Variants in RALGAPB observed in about 807,000 individuals in gnomAD.
RALGAPB encodes Ral GTPase activating protein non-catalytic subunit beta, also known as ral GTPase-activating protein subunit beta.
In RALGAPB, 25 loss-of-function variants were observed where a neutral mutation model predicts 161.1. The observed-to-expected ratio is 0.16, with a 90% CI of 0.11 to 0.22. RALGAPB has a LOEUF of 0.22. Ranked by LOEUF, RALGAPB falls within the 10% of genes least tolerant of loss-of-function variation. The pLI is 1.00. For missense variants in RALGAPB, 1,391 were observed against 1,815.2 expected (o/e 0.77, Z 4.25); for synonymous variants, 629 against 626.1 (o/e 1.00, Z -0.07).
intron 15 of RALGAPB, among the ~76,000 whole-genome samples, chr20:38,534,106 T>C (rs1466834994): frequency 1.5e-5 from 2 of 133,310 alleles, no homozygotes; most frequent in African/African-American, 5.9e-5. Flanking sequence ...GCCACTGTAC[T>C]CCAGCCTGGG....
At chr20:38,573,776 G>A (rs958267664) in intron 28 of RALGAPB, 2 of 154,270 alleles carry the variant, frequency 1.3e-5, no homozygotes, top group African/African-American at 4.8e-5. Flanking sequence ...TTCCCTATAA[G>A]AAGAGGAACT....
chr20:38,502,144 ATAAT>A (rs1218996634), intron 5 of RALGAPB, among the ~76,000 whole-genome samples: 4 of 152,194 alleles, frequency 2.6e-5, no homozygotes, highest in Non-Finnish European at 5.9e-5. Context: ...TACTACTGTA[ATAAT>A]TTTGTAGCCA....
rs781149732 is a variant in RALGAPB, at chr20:38,524,937, G to A, written c.1779G>A (p.Leu593=). 3.4e-5 allele frequency: 55 copies of A among 1,607,192 alleles called. No individual in the cohort carries two copies. The highest frequency in any genetic ancestry group is 4.5e-5 in the Non-Finnish European group (53 of 1,173,832). The part of the protein sequence containing the change: ...PYFISALETI[L]PDRELSKFKS... Reference sequence around the variant, plus strand: ...TTATTTCAGCTCTTGAAACCATTTTGCCTGACAGGTAAGCTATCATTCTCT... The same window carrying A: ...TTATTTCAGCTCTTGAAACCATTTTACCTGACAGGTAAGCTATCATTCTCT... Residue 593 remains leucine (L), a synonymous_variant, in exon 11 of 30, where the codon TTG becomes TTA. Coordinates refer to ENST00000262879, the MANE Select transcript of RALGAPB (RefSeq NM_020336.4).
chr20:38,531,047 A>G, intron 13 of RALGAPB, 120 bp from the exon 14 acceptor site: 1 of 786,262 alleles, frequency 1.3e-6, no homozygotes, highest in Non-Finnish European at 2.1e-6. Context: ...TTTCATGGGT[A>G]TTTCAGGAAT....
chr20:38,558,188 A>G (rs1336376974), intron 22 of RALGAPB, 107 bp from the exon 23 acceptor site: 5 of 973,984 alleles, frequency 5.1e-6, no homozygotes, highest in East Asian at 3.1e-5. Context: ...CTACCATTCT[A>G]TATTTTTTAA....
chr20:38,479,968 A>G, intron 1 of RALGAPB, among the ~76,000 whole-genome samples: 1 of 151,670 alleles, frequency 6.6e-6, no homozygotes, highest in Non-Finnish European at 1.5e-5. Flanking sequence ...GCCTGTGGTA[A>G]GGTTAAACTT....
At chr20:38,563,532 G>T (rs974858163) in intron 24 of RALGAPB, among the ~76,000 whole-genome samples, 3 of 152,222 alleles carry the variant, frequency 2.0e-5, no homozygotes, top group African/African-American at 7.2e-5. Context: ...AGCAGAGCAA[G>T]TATAAACTTA....
At position 38,521,710 on chromosome 20, in the gene RALGAPB, T is replaced by C; in HGVS notation, c.1619+12T>C. ...GCTTATTTATCCAGGTCTTGGAATT[T>C]TTGTTTGTTTTTTCATTTATATAGT... On this transcript the variant is annotated intron_variant, in intron 10 of 29. Coordinates refer to ENST00000262879, the MANE Select transcript of RALGAPB (RefSeq NM_020336.4). The C allele has an allele frequency of 6.2e-7, 1 of 1,611,872 alleles. No homozygotes were observed. Among genetic ancestry groups the C allele is most frequent in the Non-Finnish European group, 8.5e-7 (1 of 1,179,202 alleles).
At chr20:38,478,773 C>T (rs148750042) in intron 1 of RALGAPB, among the ~76,000 whole-genome samples, 1,592 of 152,182 alleles carry the variant, frequency 0.01, 22 homozygotes, top group African/African-American at 0.036. Context: ...TGCGCCACCA[C>T]GCCCAGCTAA....
chr20:38,577,658 G>A lies in RALGAPB; in HGVS notation c.*2691G>A, dbSNP rs2088484411. On this transcript the variant is annotated 3_prime_UTR_variant, in exon 30 of 30. Coordinates refer to ENST00000262879, the MANE Select transcript of RALGAPB (RefSeq NM_020336.4). Reference sequence around the variant, plus strand: ...CTTTTTGTCTAGGGCTTCCTCTTGAGACCCTCTTCCATCCATTGGGCCTTT... The same window carrying A: ...CTTTTTGTCTAGGGCTTCCTCTTGAAACCCTCTTCCATCCATTGGGCCTTT... 1.3e-5 allele frequency: 2 copies of A among 151,350 alleles called. No individual in the cohort carries two copies. Among genetic ancestry groups the A allele is most frequent in the East Asian group, 3.9e-4 (2 of 5,142 alleles). The allele number at this position is 151,350 out of a possible 1,614,324, so 9.4% of individuals were successfully genotyped here.
chr20:38,531,132 A>G, intron 13 of RALGAPB, 35 bp from the exon 14 acceptor site: 1 of 1,504,596 alleles, frequency 6.6e-7, no homozygotes, highest in Non-Finnish European at 9.2e-7. Context: ...GTTCTTGTGT[A>G]TTTTATATAA....
chr20:38,481,975 A>T (rs980366106), intron 1 of RALGAPB, among the ~76,000 whole-genome samples: 4 of 151,772 alleles, frequency 2.6e-5, no homozygotes, highest in Non-Finnish European at 5.9e-5. Flanking sequence ...TGACTCTCGT[A>T]CATCATAAGG....
At chr20:38,562,459 A>AT (rs1187516693) in intron 23 of RALGAPB, 73 bp from the exon 24 acceptor site, 1 of 1,334,426 alleles carries the variant, frequency 7.5e-7, no homozygotes, top group African/African-American at 1.5e-5. Context: ...AAACTAACCA[A>AT]TTTTTATGAA....
intron 22 of RALGAPB, among the ~76,000 whole-genome samples, chr20:38,557,856 C>CT (rs1305321911): frequency 1.3e-5 from 2 of 152,142 alleles, no homozygotes; most frequent in Non-Finnish European, 2.9e-5. Flanking sequence ...TGTGTGCAGG[C>CT]TTTTGTGTGG....
intron 3 of RALGAPB, 97 bp downstream of exon 3, chr20:38,493,229 CTGAACAG>C (rs2085327411): frequency 1.1e-6 from 1 of 943,804 alleles, no homozygotes; most frequent in East Asian, 2.5e-5. Context: ...TGTTAGTCCT[CTGAACAG>C]TGACTTCATG....
At chr20:38,490,537 G>A (rs1220999424) in intron 2 of RALGAPB, among the ~76,000 whole-genome samples, 2 of 149,866 alleles carry the variant, frequency 1.3e-5, no homozygotes, top group African/African-American at 4.9e-5. Context: ...ACAGAGTCTC[G>A]CTCTTGTTGG....
intron 1 of RALGAPB, among the ~76,000 whole-genome samples, chr20:38,481,003 T>C (rs1361545080): frequency 6.6e-6 from 1 of 152,158 alleles, no homozygotes; most frequent in Non-Finnish European, 1.5e-5. Flanking sequence ...CCCAAAGTGC[T>C]GGGATTACAG....
At chr20:38,544,958 G>A (rs2087113763) in intron 18 of RALGAPB, among the ~76,000 whole-genome samples, 1 of 152,092 alleles carries the variant, frequency 6.6e-6, no homozygotes, top group Admixed American at 6.5e-5. Flanking sequence ...TTGTTTGGGA[G>A]TGTTTGAAAG....
chr20:38,557,598 T>G (rs180678340), intron 22 of RALGAPB, among the ~76,000 whole-genome samples: 1 of 152,374 alleles, frequency 6.6e-6, no homozygotes, highest in East Asian at 1.9e-4. Context: ...GAATGTCATA[T>G]AGTTGGAATC....
Sources: allele counts gnomAD v4.1 joint callset (sites outside exome capture counted in the v4.1 genomes callset), GRCh38; gene constraint gnomAD v4.1.1; transcripts MANE v1.5; gene names NCBI Gene and HGNC (gene_info 2026-07-23, HGNC 2026-07-21).